The following DGKB variants were observed in gnomAD, a reference collection of about 807,000 sequenced individuals.
DGKB encodes diacylglycerol kinase beta.
In DGKB, 67 loss-of-function variants were observed where a neutral mutation model predicts 114.3. The observed-to-expected ratio is 0.59, with a 90% CI of 0.48 to 0.72. DGKB has a LOEUF of 0.72. Ranked by LOEUF, DGKB falls within the 30% of genes least tolerant of loss-of-function variation. DGKB has a pLI of 0.00. For synonymous variants in DGKB, 398 were observed against 323.1 expected (o/e 1.23, Z -2.49); for missense variants, 907 against 975.2 (o/e 0.93, Z 0.93).
intron 2 of DGKB, chr7:14,816,316 T>G (rs1458111294): frequency 6.6e-6 from 1 of 152,250 alleles, no homozygotes; most frequent in Non-Finnish European, 1.5e-5. Flanking sequence ...CACTCCAGCC[T>G]GGGTGACAAG....
At chr7:14,721,990 A>T (rs1829248171) in intron 5 of DGKB, among the ~76,000 whole-genome samples, 1 of 152,138 alleles carries the variant, frequency 6.6e-6, no homozygotes, top group Non-Finnish European at 1.5e-5. Context: ...TCTGTGTTTC[A>T]CATTAATTCT....
chr7:14,947,504 G>A (rs1350070800), intron 1 of DGKB, among the ~76,000 whole-genome samples: 1 of 135,132 alleles, frequency 7.4e-6, no homozygotes, highest in Admixed American at 7.5e-5. Flanking sequence ...TTAAAACAAA[G>A]TCATAAAAGA....
At chr7:14,812,802 A>G (rs1373208455) in intron 2 of DGKB, among the ~76,000 whole-genome samples, 3 of 152,176 alleles carry the variant, frequency 2.0e-5, no homozygotes, top group Admixed American at 2.0e-4. Context: ...AATTTCAACA[A>G]CTAAAATACC....
At chr7:14,290,815 T>G (rs1019604603) in intron 23 of DGKB, among the ~76,000 whole-genome samples, 1 of 152,080 alleles carries the variant, frequency 6.6e-6, no homozygotes, top group Non-Finnish European at 1.5e-5. Context: ...TTCTGAGAGT[T>G]AGGTAGAGGA....
At chr7:14,688,457 G>A (rs899678762) in intron 9 of DGKB, among the ~76,000 whole-genome samples, 1 of 152,180 alleles carries the variant, frequency 6.6e-6, no homozygotes, top group African/African-American at 2.4e-5. Context: ...TGGTTTCTCA[G>A]AAGACGGGTG....
At chr7:14,505,054 C>T (rs1786816228) in intron 20 of DGKB, among the ~76,000 whole-genome samples, 1 of 152,132 alleles carries the variant, frequency 6.6e-6, no homozygotes, top group South Asian at 2.1e-4. Context: ...ATCTCTTAAC[C>T]CCTGGCCTCA....
intron 17 of DGKB, among the ~76,000 whole-genome samples, chr7:14,584,530 A>T (rs1800429600): frequency 6.6e-6 from 1 of 152,188 alleles, no homozygotes; most frequent in South Asian, 2.1e-4. Flanking sequence ...TTGTTGTAAA[A>T]TCACACTTCC....
At chr7:14,741,003 C>T (rs779948654) in intron 4 of DGKB, among the ~76,000 whole-genome samples, 3 of 152,160 alleles carry the variant, frequency 2.0e-5, no homozygotes, top group Non-Finnish European at 4.4e-5. Context: ...AGCCATTCGT[C>T]TTCAGTCTGT....
intron 13 of DGKB, among the ~76,000 whole-genome samples, chr7:14,654,016 T>C (rs1302309057): frequency 2.0e-4 from 31 of 152,008 alleles, no homozygotes; most frequent in Non-Finnish European, 3.2e-4. Flanking sequence ...TTCAACATAC[T>C]ACTAGCAGAC....
At chr7:14,924,396 C>T (rs1784655277) in intron 1 of DGKB, among the ~76,000 whole-genome samples, 1 of 151,994 alleles carries the variant, frequency 6.6e-6, no homozygotes, top group Non-Finnish European at 1.5e-5. Context: ...TATGGAGTTC[C>T]TGAATCTTTC....
intron 20 of DGKB, among the ~76,000 whole-genome samples, chr7:14,500,640 T>C (rs1563334079): frequency 6.6e-6 from 1 of 151,820 alleles, no homozygotes; most frequent in Non-Finnish European, 1.5e-5. Context: ...CCTACAGGTA[T>C]TACTCCTACA....
In DGKB at chr7:14,749,467, A is replaced by G. The variant is rs528197062; in HGVS notation, c.168+4461T>C. On this transcript the variant is annotated intron_variant, in intron 4 of 25. Coordinates refer to ENST00000402815, the MANE Select transcript of DGKB (RefSeq NM_001350709.2). Reference sequence around the variant, plus strand: ...AAGACTCAGTAGAAAGACAATTAGAAATATATTATTTTAGTAAAAAATAGG... The same window carrying G: ...AAGACTCAGTAGAAAGACAATTAGAGATATATTATTTTAGTAAAAAATAGG... 6.6e-5 allele frequency among the ~76,000 whole-genome samples: 10 copies of G among 152,308 alleles called. No individual in the cohort carries two copies. The South Asian group carries it at 1.4e-3, about 22-fold the overall frequency.
intron 20 of DGKB, among the ~76,000 whole-genome samples, chr7:14,551,647 G>T (rs1448853162): frequency 1.3e-5 from 2 of 152,106 alleles, no homozygotes; most frequent in Non-Finnish European, 2.9e-5. Context: ...ATTTATCTTG[G>T]TGGAAGCATT....
At chr7:14,245,666 G>A (rs1029745345) in intron 23 of DGKB, among the ~76,000 whole-genome samples, 14 of 152,158 alleles carry the variant, frequency 9.2e-5, no homozygotes, top group African/African-American at 2.9e-4. Context: ...GACGGCTGAC[G>A]CCTGTAATCC....
intron 23 of DGKB, among the ~76,000 whole-genome samples, chr7:14,280,156 A>G (rs1415683518): frequency 6.6e-6 from 1 of 151,968 alleles, no homozygotes; most frequent in South Asian, 2.1e-4. Flanking sequence ...AATACAGAGA[A>G]GTGCTTAAAG....
intron 21 of DGKB, among the ~76,000 whole-genome samples, chr7:14,370,725 T>C (rs1224548016): frequency 6.6e-6 from 1 of 152,190 alleles, no homozygotes; most frequent in African/African-American, 2.4e-5. Flanking sequence ...TACATGGGTA[T>C]ATTGCATGAA....
intron 20 of DGKB, among the ~76,000 whole-genome samples, chr7:14,568,903 C>T (rs1797977739): frequency 6.6e-6 from 1 of 152,152 alleles, no homozygotes; most frequent in Non-Finnish European, 1.5e-5. Flanking sequence ...AACTAGACAG[C>T]AGAAGGGTTC....
intron 23 of DGKB, among the ~76,000 whole-genome samples, chr7:14,193,034 T>C (rs557888454): frequency 1.3e-5 from 2 of 152,196 alleles, no homozygotes; most frequent in East Asian, 3.9e-4. Context: ...ATGCGAGTGA[T>C]GGGGAGCAGC....
chr7:14,606,862 T>C (rs113517780), intron 17 of DGKB, among the ~76,000 whole-genome samples: 8 of 152,218 alleles, frequency 5.3e-5, no homozygotes, highest in African/African-American at 1.9e-4. Context: ...TTAGATTTGG[T>C]AAGTAGTAAA....
Sources: allele counts gnomAD v4.1 joint callset (sites outside exome capture counted in the v4.1 genomes callset), GRCh38; gene constraint gnomAD v4.1.1; transcripts MANE v1.5; gene names NCBI Gene and HGNC (gene_info 2026-07-23, HGNC 2026-07-21).